Variants in NEBL observed in about 807,000 individuals in gnomAD.
NEBL encodes the protein nebulette, also known as LIM and SH3 protein 2.
NEBL carries 122 observed loss-of-function variants against 140.2 expected under a neutral mutation model. The observed-to-expected ratio is 0.87, with a 90% CI of 0.75 to 1.01. The LOEUF (loss-of-function observed/expected upper bound fraction) is 1.01. NEBL is among the 50% of genes least tolerant of loss of function. NEBL has a pLI of 0.00. For synonymous variants in NEBL, 436 were observed against 398.9 expected, an observed-to-expected ratio of 1.09 and a Z score of -1.11; for missense variants, 1,365 against 1,231.3, an observed-to-expected ratio of 1.11 and a Z score of -1.62.
chr10:21,018,035 T>C (rs1408883877), intron 3 of NEBL, among the ~76,000 whole-genome samples: 1 of 152,148 alleles, frequency 6.6e-6, no homozygotes, highest in African/African-American at 2.4e-5. Flanking sequence ...TTGGCCAGGC[T>C]GGTCTCGAAC....
intron 2 of NEBL, among the ~76,000 whole-genome samples, chr10:21,116,552 T>C (rs1248609800): frequency 6.6e-6 from 1 of 152,172 alleles, no homozygotes; most frequent in Non-Finnish European, 1.5e-5. Flanking sequence ...ATTCAGTCCA[T>C]AGCAGTCCTT....
chr10:20,958,856 A>G (rs181945502), intron 4 of NEBL, among the ~76,000 whole-genome samples: 189 of 152,336 alleles, frequency 1.2e-3, no homozygotes, highest in Non-Finnish European at 2.3e-3. Flanking sequence ...CTCGTTCATC[A>G]CACTCAATTT....
upstream of NEBL, among the ~76,000 whole-genome samples, chr10:20,900,943 G>A (rs752257571): frequency 1.8e-4 from 28 of 151,748 alleles, no homozygotes; most frequent in South Asian, 2.1e-4. Flanking sequence ...CACTTGACCC[G>A]GGAGGCGGAG....
intron 2 of NEBL, among the ~76,000 whole-genome samples, chr10:21,039,107 T>C (rs948180497): frequency 4.7e-5 from 7 of 147,408 alleles, no homozygotes; most frequent in Non-Finnish European, 1.0e-4. Context: ...TTAAGTCCCT[T>C]GTAGATTCTG....
chr10:20,965,651 G>A lies in NEBL; in HGVS notation c.250-3872C>T, dbSNP rs117167205. On this transcript the variant is annotated intron_variant, in intron 3 of 6. Transcript: ENST00000417816. ...ATGGGGCCCGTGGAGGTTTGTATGC[G>A]GAACAGCGGTATGCCCTGACTTGTG... Among the ~76,000 whole-genome samples, 519 of 152,262 alleles carry A rather than the reference G, an allele frequency of 3.4e-3. 2 individuals carry two copies. The highest frequency in any genetic ancestry group is 0.017 in the Middle Eastern group (5 of 294).
rs963181896 is a variant in NEBL, at chr10:21,001,060, A to C, written c.249+19057T>G. On this transcript the variant is annotated intron_variant, in intron 3 of 6. Coordinates refer to the NEBL transcript ENST00000417816. The stretch of plus-strand genomic sequence containing the variant: ...CCTCAGGAAACCAATGCAGGTCCCC[A>C]TGAGCTTGTATAGATCCTCCCTTCT... Among the ~76,000 whole-genome samples the C allele has an allele frequency of 2.0e-5, 3 of 152,124 alleles. 1 individual carries two copies. The highest frequency in any genetic ancestry group is 6.3e-3 in the Middle Eastern group (2 of 316).
At chr10:21,031,539 C>T (rs1445020919) in intron 2 of NEBL, among the ~76,000 whole-genome samples, 3 of 152,154 alleles carry the variant, frequency 2.0e-5, no homozygotes, top group South Asian at 2.1e-4. Context: ...TACATCTAAG[C>T]GGCGCTGTGT....
At chr10:20,869,668 C>A (rs1844712163) in intron 6 of NEBL, 72 bp downstream of exon 6, 3 of 978,276 alleles carry the variant, frequency 3.1e-6, no homozygotes, top group South Asian at 1.3e-5. Context: ...ACCATCCAAC[C>A]ACTGAAGCTA....
At chr10:20,938,618 G>T (rs1469093214) in intron 4 of NEBL, among the ~76,000 whole-genome samples, 1 of 152,124 alleles carries the variant, frequency 6.6e-6, no homozygotes, top group Non-Finnish European at 1.5e-5. Flanking sequence ...AGAGAAGAAG[G>T]CTTCAGACAA....
chr10:21,235,553 G>A (rs1029261285), intron 3 of NEBL, among the ~76,000 whole-genome samples: 43 of 152,078 alleles, frequency 2.8e-4, no homozygotes, highest in Non-Finnish European at 5.7e-4. Context: ...GGCCTCCAGC[G>A]ATGCAGCCAC....
intron 2 of NEBL, among the ~76,000 whole-genome samples, chr10:21,054,815 G>A (rs950322630): frequency 6.6e-6 from 1 of 152,158 alleles, no homozygotes; most frequent in Non-Finnish European, 1.5e-5. Context: ...GAGGCATACA[G>A]TACAATCATA....
rs139819724 is a variant in NEBL, at chr10:21,146,367, C to T, written c.164+26016G>A. The T allele has an allele frequency of 1.4e-5, 23 of 1,613,076 alleles. No homozygotes were observed. In the South Asian group the frequency reaches 1.9e-4, roughly 13 times the overall value. ...CTGTTCATGTCTGGAATGTACATTTCAGCCACACAAGAAAAAAATGACTGG... is the reference window on the plus strand; with the variant it reads ...CTGTTCATGTCTGGAATGTACATTTTAGCCACACAAGAAAAAAATGACTGG... On this transcript the variant is annotated intron_variant, in intron 2 of 6. Coordinates refer to the NEBL transcript ENST00000417816.
At chr10:21,285,263 C>T (rs1053415456) in intron 1 of NEBL, among the ~76,000 whole-genome samples, 2 of 152,128 alleles carry the variant, frequency 1.3e-5, no homozygotes, top group Non-Finnish European at 2.9e-5. Context: ...CCCCAAATCA[C>T]TAAGCTAAAG....
chr10:20,999,334 C>T (rs528231563), intron 3 of NEBL, among the ~76,000 whole-genome samples: 3 of 152,174 alleles, frequency 2.0e-5, no homozygotes, highest in African/African-American at 7.2e-5. Context: ...CAGTGGCTCA[C>T]GCCTGTAATC....
chr10:20,833,185 C>A (rs973620113), intron 14 of NEBL, among the ~76,000 whole-genome samples: 3 of 152,108 alleles, frequency 2.0e-5, no homozygotes, highest in Admixed American at 6.6e-5. Flanking sequence ...AACAACATGG[C>A]GGCATCTACA....
At chr10:21,166,756 A>G (rs1840795743) in intron 2 of NEBL, among the ~76,000 whole-genome samples, 1 of 152,238 alleles carries the variant, frequency 6.6e-6, no homozygotes, top group Admixed American at 6.5e-5. Flanking sequence ...CTCCAGCTCC[A>G]TCTAGCTCCA....
intron 26 of NEBL, among the ~76,000 whole-genome samples, chr10:20,789,394 T>A (rs1459495914): frequency 6.6e-6 from 1 of 152,220 alleles, no homozygotes; most frequent in Non-Finnish European, 1.5e-5. Flanking sequence ...AAGAAAAACT[T>A]TCAGGAATGG....
Position 20,896,483 on chromosome 10 carries a change from CATATATATAT to C in NEBL, c.153+465_153+474del, listed in dbSNP as rs57289458. On this transcript the variant is annotated intron_variant, in intron 2 of 27. Coordinates refer to ENST00000377122, the MANE Select transcript of NEBL (RefSeq NM_006393.3). ...CTGAATTGTAAATAAATATTATATGCATATATATATATATATATATATATATATATATATG... is the reference window on the plus strand; with the variant it reads ...CTGAATTGTAAATAAATATTATATGCATATATATATATATATATATATATG... Among the ~76,000 whole-genome samples the C allele has an allele frequency of 1.3e-3, 113 of 88,086 alleles. 1 individual carries two copies. The highest frequency in any genetic ancestry group is 4.0e-3 in the African/African-American group (92 of 23,258). 57.8% of individuals were successfully genotyped at this position (88,086 alleles called of 152,430 possible). A position where few individuals can be genotyped will look rare whatever the true frequency, so the allele number is the denominator to read the frequency against.
chr10:21,215,180 C>T (rs114050619), intron 3 of NEBL, among the ~76,000 whole-genome samples: 1,762 of 152,260 alleles, frequency 0.012, 27 homozygotes, highest in African/African-American at 0.04. Flanking sequence ...TGTGGTGGCA[C>T]GCACCTGCAG....
Sources: gnomAD v4.1 joint callset for allele counts (sites outside exome capture counted in the v4.1 genomes callset) on GRCh38, gnomAD v4.1.1 for gene constraint, MANE v1.5 for transcripts, NCBI Gene and HGNC (gene_info 2026-07-23, HGNC 2026-07-21) for gene names.